Variants in LIMCH1 observed in about 807,000 individuals in gnomAD.
The protein encoded by LIMCH1 is LIM and calponin homology domains-containing protein 1.
Under a neutral mutation model 176.5 loss-of-function variants are expected in LIMCH1, and 113 were observed. That is an observed-to-expected ratio of 0.64 (90% CI 0.55 to 0.75). The LOEUF is 0.75. LIMCH1 is among the 30% of genes least tolerant of loss of function. The probability of loss-of-function intolerance (pLI) is 0.00; values close to 1 mark genes in which losing one functional copy is unlikely to be tolerated. For synonymous variants in LIMCH1, 619 were observed against 645.9 expected (o/e 0.96, Z 0.63); for missense variants, 1,674 against 1,814.9 (o/e 0.92, Z 1.41).
intron 23 of LIMCH1, 117 bp from the exon 24 acceptor site, chr4:41,679,889 A>C: frequency 1.6e-6 from 1 of 633,710 alleles, no homozygotes; most frequent in African/African-American, 1.9e-5. Flanking sequence ...TAAATTCAGA[A>C]TCCTAACAAG....
At chr4:41,549,513 T>G (rs1234767383) in intron 1 of LIMCH1, among the ~76,000 whole-genome samples, 1 of 152,140 alleles carries the variant, frequency 6.6e-6, no homozygotes, top group African/African-American at 2.4e-5. Context: ...ATTTTTTTCT[T>G]TTTCTCTCTA....
At chr4:41,690,439 A>T (rs1056229391) in intron 30 of LIMCH1, among the ~76,000 whole-genome samples, 17 of 152,234 alleles carry the variant, frequency 1.1e-4, no homozygotes, top group Non-Finnish European at 2.2e-4. Context: ...TATGAAATTT[A>T]TAAGCTGGAC....
At chr4:41,661,676 C>T (rs1427662626) in intron 19 of LIMCH1, among the ~76,000 whole-genome samples, 166 bp downstream of exon 19, 1 of 152,060 alleles carries the variant, frequency 6.6e-6, no homozygotes, top group African/African-American at 2.4e-5. Context: ...AAGTTCTGCC[C>T]GTATGGTTAA....
At chr4:41,372,818 A>G (rs2054174802) in intron 1 of LIMCH1, among the ~76,000 whole-genome samples, 1 of 152,186 alleles carries the variant, frequency 6.6e-6, no homozygotes, top group African/African-American at 2.4e-5. Context: ...ATTGTGAGTG[A>G]GAAGCTTAAG....
At chr4:41,565,960 C>G (rs1168891012) in intron 1 of LIMCH1, among the ~76,000 whole-genome samples, 3 of 152,120 alleles carry the variant, frequency 2.0e-5, no homozygotes. Flanking sequence ...CTTATTTAAC[C>G]CTGACAACTT....
intron 2 of LIMCH1, among the ~76,000 whole-genome samples, chr4:41,503,191 G>A (rs1185634800): frequency 6.6e-6 from 1 of 152,168 alleles, no homozygotes; most frequent in African/African-American, 2.4e-5. Flanking sequence ...CTTTTTTGGA[G>A]TAATTCCAGT....
At chr4:41,504,589 G>A (rs1490910714) in intron 2 of LIMCH1, among the ~76,000 whole-genome samples, 1 of 152,220 alleles carries the variant, frequency 6.6e-6, no homozygotes, top group Non-Finnish European at 1.5e-5. Context: ...ATGGCAGTAT[G>A]CAGATACTCT....
At chr4:41,663,123 T>G (rs2094687171) in intron 20 of LIMCH1, 139 bp downstream of exon 20, 1 of 777,672 alleles carries the variant, frequency 1.3e-6, no homozygotes, top group Non-Finnish European at 2.0e-6. Flanking sequence ...TAATCTGTAG[T>G]TTTTCTTTTT....
At chr4:41,363,429 TTTC>T (rs1166288744) in intron 1 of LIMCH1, among the ~76,000 whole-genome samples, 2 of 152,206 alleles carry the variant, frequency 1.3e-5, no homozygotes, top group African/African-American at 4.8e-5. Flanking sequence ...TTTTTCTTTC[TTTC>T]TTCTTTTTGA....
At chr4:41,378,578 G>A (rs1301470152) in intron 1 of LIMCH1, among the ~76,000 whole-genome samples, 1 of 152,168 alleles carries the variant, frequency 6.6e-6, no homozygotes, top group Non-Finnish European at 1.5e-5. Flanking sequence ...TTATATTTTG[G>A]CAAGAAGACA....
chr4:41,573,687 A>T (rs563361429), intron 1 of LIMCH1, among the ~76,000 whole-genome samples: 1 of 152,296 alleles, frequency 6.6e-6, no homozygotes, highest in South Asian at 2.1e-4. Flanking sequence ...GATGAGCAAT[A>T]CTGCACATAA....
intron 1 of LIMCH1, among the ~76,000 whole-genome samples, chr4:41,414,896 A>G (rs982310565): frequency 6.6e-6 from 1 of 152,172 alleles, no homozygotes; most frequent in Non-Finnish European, 1.5e-5. Context: ...AACACAATAG[A>G]GTGGTTAGGA....
chr4:41,391,942 A>G (rs948068110), intron 1 of LIMCH1, among the ~76,000 whole-genome samples: 2 of 152,244 alleles, frequency 1.3e-5, no homozygotes, highest in Admixed American at 6.5e-5. Context: ...AGCTGGATAA[A>G]GAACATATGA....
chr4:41,497,214 CT>C (rs2154177003), intron 2 of LIMCH1, among the ~76,000 whole-genome samples: 1 of 152,158 alleles, frequency 6.6e-6, no homozygotes, highest in African/African-American at 2.4e-5. Context: ...AAATGCTCAT[CT>C]TTTTGTCTGA....
At chr4:41,655,281 A>G (rs146845695) in intron 18 of LIMCH1, among the ~76,000 whole-genome samples, 451 of 152,328 alleles carry the variant, frequency 3.0e-3, no homozygotes, top group Non-Finnish European at 5.4e-3. Context: ...AAAAAGAAGT[A>G]TAATAATAGC....
chr4:41,675,448 C>G (rs2095186097), intron 22 of LIMCH1, among the ~76,000 whole-genome samples: 1 of 146,364 alleles, frequency 6.8e-6, no homozygotes, highest in African/African-American at 2.5e-5. Context: ...CCCCCGTCAA[C>G]TTCCCCACCC....
chr4:41,428,904 C>G (rs900735242), intron 1 of LIMCH1, among the ~76,000 whole-genome samples: 6 of 152,216 alleles, frequency 3.9e-5, no homozygotes, highest in African/African-American at 1.4e-4. Context: ...TGAAGTCTTC[C>G]ATGGTTTCTT....
chr4:41,662,009 A>G (rs2094641884), intron 19 of LIMCH1: 2 of 296,310 alleles, frequency 6.7e-6, no homozygotes, highest in Admixed American at 4.7e-5. Context: ...CTTGTTCCTC[A>G]ATATTTTTTT....
At chr4:41,420,145 A>G (rs1454108680) in intron 1 of LIMCH1, among the ~76,000 whole-genome samples, 1 of 152,108 alleles carries the variant, frequency 6.6e-6, no homozygotes, top group African/African-American at 2.4e-5. Context: ...AACTATGGGA[A>G]ATACTGTCAG....
Sources: gnomAD v4.1 joint callset for allele counts (sites outside exome capture counted in the v4.1 genomes callset) on GRCh38, gnomAD v4.1.1 for gene constraint, MANE v1.5 for transcripts, NCBI Gene and HGNC (gene_info 2026-07-23, HGNC 2026-07-21) for gene names.